Variants in ZSWIM5 observed in about 807,000 individuals in gnomAD.
ZSWIM5 encodes the protein zinc finger SWIM domain-containing protein 5.
ZSWIM5 carries 55 observed loss-of-function variants against 119.6 expected under a neutral mutation model. The ratio of observed to expected loss-of-function variants is 0.46; its 90% CI spans 0.37 to 0.58. The LOEUF is 0.58. Among genes scored for constraint, ZSWIM5 ranks in the 20% least tolerant of loss-of-function variants. The pLI, the probability that ZSWIM5 is intolerant of heterozygous loss-of-function variation, is 0.00. For synonymous variants in ZSWIM5, 537 were observed against 606.9 expected, an observed-to-expected ratio of 0.88 and a Z score of 1.69; for missense variants, 1,193 against 1,512.8, an observed-to-expected ratio of 0.79 and a Z score of 3.51.
At chr1:45,115,585 C>G (rs969615835) in intron 1 of ZSWIM5, among the ~76,000 whole-genome samples, 11 of 151,088 alleles carry the variant, frequency 7.3e-5, no homozygotes, top group Admixed American at 6.6e-4. Context: ...GATGGGCGGC[C>G]GGGCAGAGAC....
At chr1:45,166,295 C>T (rs1000526893) in intron 1 of ZSWIM5, among the ~76,000 whole-genome samples, 6 of 151,992 alleles carry the variant, frequency 3.9e-5, no homozygotes, top group Non-Finnish European at 8.8e-5. Context: ...TCTCAATAAA[C>T]TAGGTATTGA....
chr1:45,019,858 G>A lies in ZSWIM5; in HGVS notation c.2695+208C>T, dbSNP rs1262954403. Among the ~76,000 whole-genome samples, 2 of 152,148 alleles carry A rather than the reference G, an allele frequency of 1.3e-5. No individual in the cohort carries two copies. Among genetic ancestry groups the A allele is most frequent in the Non-Finnish European group, 2.9e-5 (2 of 68,020 alleles). ...GAGGATCAAGGGCTGCTGACATCAG[G>A]ATATGGTTCAAGCAGTGAAGACAGG... On this transcript the variant is annotated intron_variant, in intron 13 of 13. Coordinates refer to ENST00000359600, the MANE Select transcript of ZSWIM5 (RefSeq NM_020883.2). The surrounding 1 kb of genome is among the most constrained non-coding windows in gnomAD (Gnocchi z 5.0).
intron 1 of ZSWIM5, among the ~76,000 whole-genome samples, chr1:45,094,299 C>T (rs1645386032): frequency 6.6e-6 from 1 of 152,056 alleles, no homozygotes; most frequent in African/African-American, 2.4e-5. Context: ...CGTGATCCGC[C>T]TGCCTCAGCA....
chr1:45,078,922 A>G (rs891968436), intron 2 of ZSWIM5, among the ~76,000 whole-genome samples: 1 of 152,186 alleles, frequency 6.6e-6, no homozygotes, highest in Non-Finnish European at 1.5e-5. Flanking sequence ...TCTGAGCCCA[A>G]GCTAAGCCAT....
At chr1:45,020,834 T>A (rs754927943) in intron 11 of ZSWIM5, 46 bp from the exon 12 acceptor site, 1 of 1,590,836 alleles carries the variant, frequency 6.3e-7, no homozygotes, top group South Asian at 1.1e-5. Flanking sequence ...AAAGTTTTAC[T>A]AAACAGTCAG....
At chr1:45,181,080 C>A (rs1397148351) in intron 1 of ZSWIM5, among the ~76,000 whole-genome samples, 1 of 152,060 alleles carries the variant, frequency 6.6e-6, no homozygotes, top group South Asian at 2.1e-4. Flanking sequence ...CAAAGCTGGA[C>A]GGAGAATGAC....
intron 1 of ZSWIM5, among the ~76,000 whole-genome samples, chr1:45,120,096 C>CA (rs1204656394): frequency 6.6e-6 from 1 of 152,208 alleles, no homozygotes; most frequent in Non-Finnish European, 1.5e-5. Context: ...GTAATCCCAG[C>CA]ACTATGGGAG....
chr1:45,059,228 A>G (rs1464705186), intron 3 of ZSWIM5, among the ~76,000 whole-genome samples: 1 of 152,246 alleles, frequency 6.6e-6, no homozygotes, highest in African/African-American at 2.4e-5. Context: ...CAAAAGGTAG[A>G]AACAACTCAA....
At chr1:45,189,118 C>T (rs1297763960) in intron 1 of ZSWIM5, among the ~76,000 whole-genome samples, 1 of 152,036 alleles carries the variant, frequency 6.6e-6, no homozygotes, top group Non-Finnish European at 1.5e-5. Flanking sequence ...AGTTCAAGAC[C>T]AGCCTGACCA....
intron 1 of ZSWIM5, among the ~76,000 whole-genome samples, chr1:45,118,886 C>T (rs1645575245): frequency 6.6e-6 from 1 of 152,106 alleles, no homozygotes; most frequent in Middle Eastern, 3.4e-3. Flanking sequence ...AGAAACAGGG[C>T]CCTGTCCTCA....
intron 6 of ZSWIM5, among the ~76,000 whole-genome samples, chr1:45,042,464 C>A (rs538306830): frequency 6.6e-6 from 1 of 152,060 alleles, no homozygotes; most frequent in Non-Finnish European, 1.5e-5. Flanking sequence ...GGTGGTGACA[C>A]GGTGAGTCTG....
chr1:45,125,938 A>C (rs1378526875), intron 1 of ZSWIM5, among the ~76,000 whole-genome samples: 1 of 151,978 alleles, frequency 6.6e-6, no homozygotes, highest in East Asian at 1.9e-4. Context: ...CATGGTGGCA[A>C]GAGCTTGCAC....
At chr1:45,121,728 G>T (rs1645594444) in intron 1 of ZSWIM5, among the ~76,000 whole-genome samples, 1 of 151,678 alleles carries the variant, frequency 6.6e-6, no homozygotes, top group Non-Finnish European at 1.5e-5. Context: ...AAGTAGCTAG[G>T]ACTATGGGTA....
At chr1:45,046,993 C>T (rs1645059298) in intron 5 of ZSWIM5, among the ~76,000 whole-genome samples, 1 of 136,992 alleles carries the variant, frequency 7.3e-6, no homozygotes, top group Non-Finnish European at 1.5e-5. Context: ...CAGTGCACTC[C>T]AGCCTGGGCA....
At chr1:45,068,577 T>C (rs1645200466) in intron 2 of ZSWIM5, among the ~76,000 whole-genome samples, 2 of 151,966 alleles carry the variant, frequency 1.3e-5, no homozygotes, top group Admixed American at 6.6e-5. Context: ...GACATGAAGG[T>C]GTTCTCTTAT....
At chr1:45,044,764 T>C (rs867159331) in intron 5 of ZSWIM5, among the ~76,000 whole-genome samples, 23 of 1,324 alleles carry the variant, frequency 0.017, 6 homozygotes, top group African/African-American at 0.043. Context: ...TATATATATA[T>C]ATATATATAT....
In ZSWIM5 at chr1:45,043,395, T is replaced by C. The variant is rs900410320; in HGVS notation, c.1433A>G (p.Asp478Gly). The change falls in exon 6 of 14, where the codon GAC becomes GGC. Residue 478 changes from aspartate (D) to glycine (G), a missense_variant and splice_region_variant. Coordinates refer to ENST00000359600, the MANE Select transcript of ZSWIM5 (RefSeq NM_020883.2). ...TGTTCGTCTTGGTCTGGATAAGGAG[T>C]CTGGAGAAAGAAGAACATGCAGCAG... Reference protein sequence around the residue: ...ALPQSAIHSPDSLSRPRRTVF... With the variant: ...ALPQSAIHSPGSLSRPRRTVF... 1 of 1,613,642 alleles carries C rather than the reference T, an allele frequency of 6.2e-7. No individual in the cohort carries two copies. Among genetic ancestry groups the C allele is most frequent in the South Asian group, 1.1e-5 (1 of 91,058 alleles).
intron 1 of ZSWIM5, among the ~76,000 whole-genome samples, chr1:45,180,202 C>T (rs989235220): frequency 6.6e-6 from 1 of 152,252 alleles, no homozygotes; most frequent in African/African-American, 2.4e-5. Context: ...TGACAGACGG[C>T]ACCTGGAAAA....
chr1:45,198,711 A>G (rs1276258042), intron 1 of ZSWIM5, among the ~76,000 whole-genome samples: 1 of 152,172 alleles, frequency 6.6e-6, no homozygotes, highest in East Asian at 1.9e-4. Flanking sequence ...ATCTTTAAAA[A>G]AATCTTCAAA....
Sources: allele counts gnomAD v4.1 joint callset (sites outside exome capture counted in the v4.1 genomes callset), GRCh38; gene constraint gnomAD v4.1.1; non-coding constraint Gnocchi (gnomAD v3.1); transcripts MANE v1.5; gene names NCBI Gene and HGNC (gene_info 2026-07-23, HGNC 2026-07-21).